The following RALGAPA2 variants were observed in gnomAD, a reference collection of about 807,000 sequenced individuals.
RALGAPA2 encodes the protein ral GTPase-activating protein subunit alpha-2.
A neutral mutation model predicts 230.4 loss-of-function variants in RALGAPA2; 139 were observed. The ratio of observed to expected loss-of-function variants is 0.60; its 90% CI spans 0.53 to 0.69. The LOEUF (loss-of-function observed/expected upper bound fraction) is 0.69. Ranked by LOEUF, RALGAPA2 falls within the 30% of genes least tolerant of loss-of-function variation. The pLI is 0.00. For synonymous variants in RALGAPA2, 847 were observed against 837.8 expected (o/e 1.01, Z -0.19); for missense variants, 2,163 against 2,276.0 (o/e 0.95, Z 1.01).
intron 24 of RALGAPA2, among the ~76,000 whole-genome samples, chr20:20,543,551 T>C (rs1052689826): frequency 2.6e-5 from 4 of 151,994 alleles, no homozygotes; most frequent in Non-Finnish European, 5.9e-5. Context: ...TATGCAGCCA[T>C]AAAAAAGGAT....
At chr20:20,583,019 A>C in intron 20 of RALGAPA2, 31 bp downstream of exon 20, 1 of 1,602,730 alleles carries the variant, frequency 6.2e-7, no homozygotes, top group South Asian at 1.1e-5. Context: ...AGCTGTTTGC[A>C]TTAGTGCCTC....
intron 36 of RALGAPA2, among the ~76,000 whole-genome samples, chr20:20,480,702 C>T (rs1004462466): frequency 6.6e-6 from 1 of 152,016 alleles, no homozygotes; most frequent in Non-Finnish European, 1.5e-5. Flanking sequence ...AAAGCGGATG[C>T]GGAAGGGTTC....
At chr20:20,403,449 G>A (rs1228167695) in intron 38 of RALGAPA2, among the ~76,000 whole-genome samples, 1 of 152,146 alleles carries the variant, frequency 6.6e-6, no homozygotes, top group East Asian at 1.9e-4. Flanking sequence ...TTTGGCCTCT[G>A]GCAAGTTGCT....
chr20:20,443,295 G>A (rs2060781121), intron 37 of RALGAPA2, among the ~76,000 whole-genome samples: 1 of 152,178 alleles, frequency 6.6e-6, no homozygotes, highest in Admixed American at 6.5e-5. Context: ...TGCATAAAAA[G>A]CATCTTTTTG....
At chr20:20,470,241 A>G (rs1602466593) in intron 37 of RALGAPA2, among the ~76,000 whole-genome samples, 1 of 152,338 alleles carries the variant, frequency 6.6e-6, no homozygotes, top group East Asian at 1.9e-4. Context: ...CCTTAGCTTA[A>G]TTAGAAATGT....
intron 24 of RALGAPA2, among the ~76,000 whole-genome samples, chr20:20,544,604 A>T (rs543933450): frequency 6.6e-6 from 1 of 152,322 alleles, no homozygotes; most frequent in Admixed American, 6.5e-5. Flanking sequence ...ACCATAGCAA[A>T]GACTTGGAAC....
At chr20:20,600,998 G>C (rs537615709) in intron 16 of RALGAPA2, among the ~76,000 whole-genome samples, 40 of 152,258 alleles carry the variant, frequency 2.6e-4, no homozygotes, top group African/African-American at 8.2e-4. Context: ...TACTCAGGAG[G>C]CTGAGGCAGG....
intron 37 of RALGAPA2, among the ~76,000 whole-genome samples, chr20:20,451,053 C>T (rs1412735072): frequency 6.6e-6 from 1 of 152,184 alleles, no homozygotes; most frequent in Non-Finnish European, 1.5e-5. Flanking sequence ...GAAATCCTCA[C>T]ATATGCCAAA....
intron 33 of RALGAPA2, among the ~76,000 whole-genome samples, chr20:20,505,786 A>G (rs1222033460): frequency 6.6e-6 from 1 of 152,208 alleles, no homozygotes; most frequent in East Asian, 1.9e-4. Context: ...TGAAACAAAA[A>G]GCACATCCAG....
chr20:20,633,077 C>T (rs953176501), intron 9 of RALGAPA2, among the ~76,000 whole-genome samples: 1 of 145,654 alleles, frequency 6.9e-6, no homozygotes, highest in African/African-American at 2.5e-5. Flanking sequence ...CTTTCTCTTT[C>T]TTTCCTCCTT....
chr20:20,507,052 G>A (rs1470300781), intron 33 of RALGAPA2, among the ~76,000 whole-genome samples: 2 of 152,172 alleles, frequency 1.3e-5, no homozygotes, highest in Admixed American at 1.3e-4. Context: ...ATGCACATAT[G>A]AGAAGCTACT....
chr20:20,544,894 T>G (rs1423954667), intron 24 of RALGAPA2, among the ~76,000 whole-genome samples: 2 of 152,052 alleles, frequency 1.3e-5, no homozygotes, highest in African/African-American at 4.8e-5. Flanking sequence ...AGGGGAGGGA[T>G]AGCATTAGGA....
chr20:20,589,715 C>T (rs1479325542), intron 17 of RALGAPA2, among the ~76,000 whole-genome samples: 2 of 151,900 alleles, frequency 1.3e-5, no homozygotes, highest in Non-Finnish European at 2.9e-5. Flanking sequence ...GATGAACCAA[C>T]AGGAAGAAGA....
chr20:20,472,553 A>G (rs1302701215), intron 37 of RALGAPA2: 1 of 225,692 alleles, frequency 4.4e-6, no homozygotes, highest in South Asian at 9.3e-5. Flanking sequence ...ATACCTAAGA[A>G]GATATGAGCA....
rs372303653 is a variant in RALGAPA2, at chr20:20,601,813, A to G, written c.2072T>C (p.Val691Ala). The part of the protein sequence containing the change: ...CVLDPQKGTT[V>A]GRSFSLSWRS... The stretch of plus-strand genomic sequence containing the variant: ...CCAGCTGAGAGAAAAGGACCTCCCC[A>G]CGGTGGTTCCTTTCTGAGGATCTAG... Residue 691 changes from valine to alanine, a missense_variant, in exon 16 of 40, where the codon GTG (valine) becomes GCG (alanine). Coordinates refer to ENST00000202677, the MANE Select transcript of RALGAPA2 (RefSeq NM_020343.4). 3.7e-6 allele frequency: 6 copies of G among 1,611,266 alleles called. No homozygotes were observed. The African/African-American group carries it at 6.7e-5, about 18-fold the overall frequency.
intron 37 of RALGAPA2, among the ~76,000 whole-genome samples, chr20:20,453,675 G>A (rs1039040692): frequency 5.9e-5 from 9 of 152,200 alleles, no homozygotes; most frequent in African/African-American, 2.2e-4. Context: ...CTGCATCACA[G>A]CCATGAGGAA....
intron 11 of RALGAPA2, among the ~76,000 whole-genome samples, chr20:20,619,662 A>G (rs56062525): frequency 0.042 from 6,365 of 152,262 alleles, 449 homozygotes; most frequent in African/African-American, 0.15. Context: ...TGTTTGTCCA[A>G]TGACTGAGTG....
chr20:20,536,438 T>G (rs924053223), intron 25 of RALGAPA2, among the ~76,000 whole-genome samples: 6 of 152,192 alleles, frequency 3.9e-5, no homozygotes, highest in African/African-American at 1.4e-4. Flanking sequence ...AAAAAACACC[T>G]GCTATAGCTA....
intron 23 of RALGAPA2, among the ~76,000 whole-genome samples, chr20:20,554,821 A>G (rs1342346515): frequency 6.6e-6 from 1 of 152,106 alleles, no homozygotes. Context: ...ACTTCTTTAT[A>G]TATTCTAGAT....
Sources: gnomAD v4.1 joint callset for allele counts (sites outside exome capture counted in the v4.1 genomes callset) on GRCh38, gnomAD v4.1.1 for gene constraint, MANE v1.5 for transcripts, NCBI Gene and HGNC (gene_info 2026-07-23, HGNC 2026-07-21) for gene names.